The following PRPF39 variants were observed in gnomAD, a reference collection of about 807,000 sequenced individuals.
PRPF39 encodes pre-mRNA-processing factor 39.
Under a neutral mutation model 82.1 loss-of-function variants are expected in PRPF39, and 27 were observed. The observed-to-expected ratio is 0.33, with a 90% confidence interval of 0.24 to 0.45. The LOEUF (loss-of-function observed/expected upper bound fraction) is 0.45. PRPF39 is among the 20% of genes least tolerant of loss of function. The pLI is 1.00. For missense variants in PRPF39, 581 were observed against 796.9 expected, an observed-to-expected ratio of 0.73 and a Z score of 3.26; for synonymous variants, 261 against 256.4, an observed-to-expected ratio of 1.02 and a Z score of -0.17.
chr14:45,096,031 T>C (rs1020165146), intron 2 of PRPF39, 72 bp from the exon 3 acceptor site: 7 of 1,337,814 alleles, frequency 5.2e-6, no homozygotes, highest in Admixed American at 4.6e-5. Flanking sequence ...GATAATAACG[T>C]TTGAAAGGAA....
intron 7 of PRPF39, 83 bp downstream of exon 7, chr14:45,108,605 CTG>C: frequency 6.9e-7 from 1 of 1,452,036 alleles, no homozygotes; most frequent in South Asian, 1.5e-5. Flanking sequence ...AGTACTATCT[CTG>C]TTGTAACTTT....
At chr14:45,102,444 T>C in intron 4 of PRPF39, 85 bp from the exon 5 acceptor site, 1 of 1,185,782 alleles carries the variant, frequency 8.4e-7, no homozygotes, top group Non-Finnish European at 1.1e-6. Flanking sequence ...TTTTTGAAGT[T>C]AGCATTATCT....
rs1325463567 is a variant in PRPF39 at position 45,107,510 on chromosome 14, T to C, written c.797T>C (p.Ile266Thr). 6.4e-7 allele frequency: 1 copy of C among 1,564,744 alleles called. No homozygotes were observed. The highest frequency in any genetic ancestry group is 1.2e-5 in the South Asian group (1 of 85,342). The change falls in exon 6 of 14, where the codon ATT becomes ACT. Residue 266 changes from isoleucine (I) to threonine (T), a missense_variant. By Grantham distance (89) the Ile-to-Thr change is moderately conservative. Transcript: ENST00000355765. ...PRDLLTGEQF[I>T]QLRRELASVN... ...GATCTTTTAACTGGTGAACAGTTTA[T>C]TCAGTTGCGAAGGGAATTAGCTTCT...
chr14:45,093,526 G>C (rs1474902966), intron 1 of PRPF39, among the ~76,000 whole-genome samples: 1 of 139,884 alleles, frequency 7.1e-6, no homozygotes, highest in Non-Finnish European at 1.5e-5. Context: ...GCCTGGCCGA[G>C]TATACTATTT....
chr14:45,110,334 T>TA lies in PRPF39; in HGVS notation c.1303+117dup. 7.1e-7 allele frequency: 1 copy of TA among 1,416,994 alleles called. No homozygotes were observed. Among genetic ancestry groups the TA allele is most frequent in the South Asian group, 1.4e-5 (1 of 72,178 alleles). The allele number at this position is 1,416,994 out of a possible 1,614,324, so 87.8% of individuals were successfully genotyped here. A position where few individuals can be genotyped will look rare whatever the true frequency, so the allele number is the denominator to read the frequency against. On this transcript the variant is annotated intron_variant, in intron 9 of 13. Transcript: ENST00000355765. This position sits in a 1 kb window ranked among gnomAD's most constrained non-coding sequence, Gnocchi z 4.0. The stretch of plus-strand genomic sequence containing the variant: ...AGCAGAGTTTGGCAAACTTTTTCTC[T>TA]AAAGGGCCAGATAGTAAAAGCCACG...
chr14:45,110,318 T>G lies in PRPF39; in HGVS notation c.1303+98T>G. 1 of 1,483,276 alleles carries G rather than the reference T, an allele frequency of 6.7e-7. No individual in the cohort carries two copies. Among genetic ancestry groups the G allele is most frequent in the Non-Finnish European group, 9.1e-7 (1 of 1,100,354 alleles). 91.9% of individuals were successfully genotyped at this position (1,483,276 alleles called of 1,614,324 possible). A position where few individuals can be genotyped will look rare whatever the true frequency, so the allele number is the denominator to read the frequency against. On this transcript the variant is annotated intron_variant, in intron 9 of 13. Transcript: ENST00000355765. This position sits in a 1 kb window ranked among gnomAD's most constrained non-coding sequence, Gnocchi z 4.0. ...GTAAGGGATGGTGTAAAGCAGAGTT[T>G]GGCAAACTTTTTCTCTAAAGGGCCA...
chr14:45,099,508 G>A (rs940196351), intron 4 of PRPF39, among the ~76,000 whole-genome samples: 4 of 151,610 alleles, frequency 2.6e-5, no homozygotes, highest in Non-Finnish European at 4.4e-5. Flanking sequence ...GCAGTGGCTC[G>A]ATCTCGGCTC....
chr14:45,091,625 A>C (rs749175658), intron 1 of PRPF39, among the ~76,000 whole-genome samples: 3 of 152,356 alleles, frequency 2.0e-5, no homozygotes, highest in Non-Finnish European at 4.4e-5. Context: ...ATACAAACCA[A>C]TAAGAAAAAA....
intron 5 of PRPF39, among the ~76,000 whole-genome samples, chr14:45,104,972 T>G (rs983249361): frequency 2.0e-5 from 3 of 152,222 alleles, no homozygotes; most frequent in African/African-American, 7.2e-5. Context: ...GTCTGTTATT[T>G]GTGCCATGAC....
intron 11 of PRPF39, among the ~76,000 whole-genome samples, chr14:45,113,706 CTTCA>C (rs1394421360): frequency 6.6e-6 from 1 of 152,184 alleles, no homozygotes; most frequent in Admixed American, 6.5e-5. Flanking sequence ...GGAGGTTGGG[CTTCA>C]TTTAGTTATT....
intron 11 of PRPF39, among the ~76,000 whole-genome samples, chr14:45,113,693 A>G (rs1351340253): frequency 1.3e-5 from 2 of 152,200 alleles, no homozygotes; most frequent in African/African-American, 4.8e-5. Flanking sequence ...CATGCTTCAT[A>G]GAGGAGGTTG....
At chr14:45,111,632 T>A (rs1250859738) in intron 10 of PRPF39, among the ~76,000 whole-genome samples, 2 of 99,648 alleles carry the variant, frequency 2.0e-5, no homozygotes, top group South Asian at 3.7e-4. Context: ...GCACCTGGGC[T>A]TTTTTTTTTT....
At chr14:45,114,412 A>C in intron 12 of PRPF39, 82 bp from the exon 13 acceptor site, 1 of 1,429,278 alleles carries the variant, frequency 7.0e-7, no homozygotes, top group Admixed American at 2.6e-5. Flanking sequence ...CAGTAAAACA[A>C]ATATACAGAT....
chr14:45,102,446 G>T (rs1196049424), intron 4 of PRPF39, 83 bp from the exon 5 acceptor site: 1 of 1,197,756 alleles, frequency 8.3e-7, no homozygotes, highest in African/African-American at 1.6e-5. Context: ...TTTGAAGTTA[G>T]CATTATCTTC....
intron 1 of PRPF39, among the ~76,000 whole-genome samples, chr14:45,086,206 G>T (rs1273858960): frequency 6.6e-6 from 1 of 152,104 alleles, no homozygotes; most frequent in Non-Finnish European, 1.5e-5. Context: ...CTCCCAAAGT[G>T]CTGAGATGAC....
rs960500098 is a variant in PRPF39 at position 45,107,716 on chromosome 14, G to C, written c.903+100G>C. 4 of 1,242,760 alleles carry C rather than the reference G, an allele frequency of 3.2e-6. No homozygotes were observed. The African/African-American group carries it at 6.1e-5, about 19-fold the overall frequency. 77.0% of individuals were successfully genotyped at this position (1,242,760 alleles called of 1,614,324 possible). ...GGCCAAGGTAGGCGGGTCACCTGAG[G>C]TCCGGAGTTTGAGACCCATGTAGGC... On this transcript the variant is annotated intron_variant, in intron 6 of 13. Coordinates refer to ENST00000355765, the MANE Select transcript of PRPF39 (RefSeq NM_017922.4).
chr14:45,102,812 TA>T, intron 5 of PRPF39, 116 bp downstream of exon 5: 1 of 1,058,166 alleles, frequency 9.5e-7, no homozygotes, highest in Non-Finnish European at 1.3e-6. Context: ...GAAAGAGGAA[TA>T]AATTTTGTTG....
chr14:45,087,792 T>A (rs1457655016), intron 1 of PRPF39, among the ~76,000 whole-genome samples: 9 of 150,344 alleles, frequency 6.0e-5, no homozygotes, highest in African/African-American at 1.7e-4. Flanking sequence ...TTTCACCGTG[T>A]TAGACAGGAT....
chr14:45,096,873 T>C lies in PRPF39; in HGVS notation c.451-14T>C. 1 of 1,542,364 alleles carries C rather than the reference T, an allele frequency of 6.5e-7. No individual in the cohort carries two copies. The highest frequency in any genetic ancestry group is 8.7e-7 in the Non-Finnish European group (1 of 1,144,260). ...ATTAAATATTTGAAGTACAGTTTGC[T>C]GTTTTCTTCTTAGGTTTATCGGCGG... On this transcript the variant is annotated splice_polypyrimidine_tract_variant and intron_variant, in intron 3 of 13. Transcript: ENST00000355765.
Sources: gnomAD v4.1 joint callset for allele counts (sites outside exome capture counted in the v4.1 genomes callset) on GRCh38, gnomAD v4.1.1 for gene constraint, Gnocchi (gnomAD v3.1) non-coding constraint, MANE v1.5 for transcripts, NCBI Gene and HGNC (gene_info 2026-07-23, HGNC 2026-07-21) for gene names.